The following LRRC17 variants were observed in gnomAD, a reference collection of about 807,000 sequenced individuals.
LRRC17 encodes leucine rich repeat containing 17, also known as leucine-rich repeat-containing protein 17.
Under a neutral mutation model 41.5 loss-of-function variants are expected in LRRC17, and 33 were observed. That is an observed-to-expected ratio of 0.80 (90% confidence interval 0.60 to 1.06). The LOEUF is 1.06. LRRC17 is among the 50% of genes least tolerant of loss of function. The probability of loss-of-function intolerance (pLI) is 0.00; values close to 1 mark genes in which losing one functional copy is unlikely to be tolerated. For missense variants in LRRC17, 491 were observed against 519.3 expected (o/e 0.95, Z 0.53); for synonymous variants, 192 against 197.0 (o/e 0.97, Z 0.21).
In LRRC17 at chr7:102,944,455, T is replaced by A; in HGVS notation, c.1174T>A (p.Tyr392Asn). 1 of 1,613,912 alleles carries A rather than the reference T, an allele frequency of 6.2e-7. No individual in the cohort carries two copies. Among genetic ancestry groups the A allele is most frequent in the Non-Finnish European group, 8.5e-7 (1 of 1,179,948 alleles). Residue 392 changes from tyrosine to asparagine, a missense_variant, in exon 4 of 4, where the codon TAT becomes AAT. Tyr to Asn is a moderately radical substitution (Grantham distance 143, BLOSUM62 -2). Coordinates refer to ENST00000339431, the MANE Select transcript of LRRC17 (RefSeq NM_001031692.3). The stretch of plus-strand genomic sequence containing the variant: ...ATACAAAGGATGGTCTGTGGGAAAA[T>A]ATATTAGAAGTTACTATGAAGAATG... ...EEYKGWSVGK[Y>N]IRSYYEECPK...
intron 1 of LRRC17, among the ~76,000 whole-genome samples, chr7:102,920,630 A>T (rs1426782036): frequency 6.6e-6 from 1 of 152,148 alleles, no homozygotes; most frequent in African/African-American, 2.4e-5. Flanking sequence ...GGTTACAGCA[A>T]GCCACCACGC....
At chr7:102,918,570 C>G (rs1337293968) in intron 1 of LRRC17, among the ~76,000 whole-genome samples, 1 of 152,182 alleles carries the variant, frequency 6.6e-6, no homozygotes, top group Non-Finnish European at 1.5e-5. Flanking sequence ...AACCCCAGCA[C>G]TTTGGGAAGC....
rs1441967014 is a variant in LRRC17, at chr7:102,942,455, T to C, written c.929-1755T>C. 8.3e-6 allele frequency: 7 copies of C among 840,478 alleles called. No individual in the cohort carries two copies. In the East Asian group the frequency reaches 1.7e-4, roughly 21 times the overall value. The allele number at this position is 840,478 out of a possible 1,614,324, so 52.1% of individuals were successfully genotyped here. A position where few individuals can be genotyped will look rare whatever the true frequency, so the allele number is the denominator to read the frequency against. Reference sequence around the variant, plus strand: ...AGAAAGAAGATACCCTACTAGGGGGTTTTTACCTCCTTTAAGAAACAGACT... The same window carrying C: ...AGAAAGAAGATACCCTACTAGGGGGCTTTTACCTCCTTTAAGAAACAGACT... On this transcript the variant is annotated intron_variant, in intron 3 of 3. Coordinates refer to ENST00000339431, the MANE Select transcript of LRRC17 (RefSeq NM_001031692.3).
intron 1 of LRRC17, among the ~76,000 whole-genome samples, chr7:102,932,285 CATTTT>C (rs940042743): frequency 3.9e-5 from 6 of 152,124 alleles, no homozygotes; most frequent in Non-Finnish European, 5.9e-5. Flanking sequence ...TTTCATTTAA[CATTTT>C]ATTATGAACA....
chr7:102,932,972 A>T (rs534339627), intron 1 of LRRC17: 1 of 152,240 alleles, frequency 6.6e-6, no homozygotes, highest in Admixed American at 6.5e-5. Flanking sequence ...AAATAGACAC[A>T]AATATTTTCC....
At chr7:102,930,234 G>A (rs372622468) in intron 1 of LRRC17, among the ~76,000 whole-genome samples, 2 of 152,188 alleles carry the variant, frequency 1.3e-5, no homozygotes, top group African/African-American at 4.8e-5. Context: ...TTTCACCAGC[G>A]AGGAGGGCTT....
At chr7:102,940,168 A>G (rs1821112892) in intron 3 of LRRC17, among the ~76,000 whole-genome samples, 1 of 151,550 alleles carries the variant, frequency 6.6e-6, no homozygotes, top group Admixed American at 6.6e-5. Flanking sequence ...TGCTGGGATT[A>G]CAGGCATGAG....
intron 2 of LRRC17, among the ~76,000 whole-genome samples, chr7:102,935,283 G>A (rs372139587): frequency 9.0e-6 from 1 of 110,618 alleles, no homozygotes; most frequent in Non-Finnish European, 1.6e-5. Flanking sequence ...ATGGACTCTC[G>A]CTCTGATGCC....
chr7:102,940,363 C>G (rs1262103925), intron 3 of LRRC17, among the ~76,000 whole-genome samples: 1 of 151,880 alleles, frequency 6.6e-6, no homozygotes, highest in Non-Finnish European at 1.5e-5. Context: ...GCACCCGCCA[C>G]CACGCCCGGC....
chr7:102,942,200 C>A, intron 3 of LRRC17: 2 of 972,496 alleles, frequency 2.1e-6, no homozygotes, highest in South Asian at 1.6e-5. Context: ...TTTCCTAGAA[C>A]AAAAGTTCTT....
chr7:102,936,212 A>G (rs1820282364), intron 2 of LRRC17: 1 of 152,208 alleles, frequency 6.6e-6, no homozygotes, highest in Non-Finnish European at 1.5e-5. Flanking sequence ...GGCTCCAGGT[A>G]CCCACACACG....
chr7:102,932,394 T>C (rs570462538), intron 1 of LRRC17, among the ~76,000 whole-genome samples: 1 of 152,220 alleles, frequency 6.6e-6, no homozygotes, highest in South Asian at 2.1e-4. Context: ...GTATTTGCTT[T>C]ATCACATATC....
Position 102,939,457 on chromosome 7 carries a change from C to A in LRRC17, c.800C>A (p.Pro267His). ...KELKKVPNNIPPDIVKLDLSY... is the reference protein window; with the variant it reads ...KELKKVPNNIHPDIVKLDLSY... ...TTGAAAAAAGTGCCAAACAACATCC[C>A]TCCAGATATTGTTAAACTTGACTTG... The change falls in exon 3 of 4, where the codon CCT (proline) becomes CAT (histidine). Residue 267 changes from proline to histidine, a missense_variant. By Grantham distance (77) the Pro-to-His change is moderately conservative. Coordinates refer to ENST00000339431, the MANE Select transcript of LRRC17 (RefSeq NM_001031692.3). The A allele has an allele frequency of 1.2e-6, 2 of 1,612,536 alleles. No homozygotes were observed. Among genetic ancestry groups the A allele is most frequent in the Non-Finnish European group, 1.7e-6 (2 of 1,179,528 alleles).
rs1247458240 is a variant in LRRC17 at position 102,939,586 on chromosome 7, G to C, written c.928+1G>C. On this transcript the variant is annotated splice_donor_variant, in intron 3 of 3. Transcript: ENST00000339431. LOFTEE classifies it high-confidence loss of function. ...AATGGCATTGAATTCATCGATCCTG[G>C]TAAGTTCCCCTGTATAGCCCCTTCA... 1 of 1,612,700 alleles carries C rather than the reference G, an allele frequency of 6.2e-7. No homozygotes were observed. The highest frequency in any genetic ancestry group is 8.5e-7 in the Non-Finnish European group (1 of 1,179,488).
rs754986759 is a variant in LRRC17, at chr7:102,939,633, A to AT, written c.928+55dup. The AT allele has an allele frequency of 3.8e-5, 57 of 1,515,476 alleles. No homozygotes were observed. The East Asian group carries it at 1.2e-3, about 31-fold the overall frequency. 93.9% of individuals were successfully genotyped at this position (1,515,476 alleles called of 1,614,324 possible). On this transcript the variant is annotated intron_variant, in intron 3 of 3. Transcript: ENST00000339431. ...TTCAATGGGTGGCAAGTGTTCTGTG[A>AT]TTTTTTTCTATGGCAACACTTATAT...
chr7:102,923,053 T>A (rs181446528), intron 1 of LRRC17, among the ~76,000 whole-genome samples: 2 of 152,330 alleles, frequency 1.3e-5, no homozygotes, highest in East Asian at 1.9e-4. Context: ...TGAATTTTTT[T>A]ATTAACATTA....
intron 1 of LRRC17, among the ~76,000 whole-genome samples, chr7:102,926,704 C>G (rs566394885): frequency 6.6e-6 from 1 of 152,294 alleles, no homozygotes; most frequent in African/African-American, 2.4e-5. Context: ...ACACTTCTGA[C>G]TCTTCATATG....
At chr7:102,931,408 T>C (rs1819146388) in intron 1 of LRRC17, among the ~76,000 whole-genome samples, 1 of 152,130 alleles carries the variant, frequency 6.6e-6, no homozygotes, top group South Asian at 2.1e-4. Flanking sequence ...GAAGTAGTCA[T>C]ATCTGCCTTT....
chr7:102,914,302 A>C (rs1192186040), intron 1 of LRRC17, among the ~76,000 whole-genome samples: 1 of 152,160 alleles, frequency 6.6e-6, no homozygotes, highest in Non-Finnish European at 1.5e-5. Context: ...CGAACTCCTG[A>C]CCTCAGGTGA....
Sources: allele counts gnomAD v4.1 joint callset (sites outside exome capture counted in the v4.1 genomes callset), GRCh38; gene constraint gnomAD v4.1.1; transcripts MANE v1.5; gene names NCBI Gene and HGNC (gene_info 2026-07-23, HGNC 2026-07-21).